The following FRMD4A variants were observed in gnomAD, a reference collection of about 807,000 sequenced individuals.
FRMD4A encodes FERM domain-containing protein 4A.
FRMD4A carries 29 observed loss-of-function variants against 129.1 expected under a neutral mutation model. That is an observed-to-expected ratio of 0.22 (90% CI 0.17 to 0.31). The LOEUF is 0.31. Among genes scored for constraint, FRMD4A ranks in the 10% least tolerant of loss-of-function variants. The pLI, the probability that FRMD4A is intolerant of heterozygous loss-of-function variation, is 1.00. For missense variants in FRMD4A, 1,272 were observed against 1,375.8 expected (o/e 0.92, Z 1.19); for synonymous variants, 634 against 571.6 (o/e 1.11, Z -1.56).
chr10:13,807,800 C>CT (rs11388392), intron 4 of FRMD4A, among the ~76,000 whole-genome samples: 77,262 of 142,072 alleles, frequency 0.54, 20,911 homozygotes, highest in East Asian at 0.64. Flanking sequence ...TTTAGAAATT[C>CT]TTTTTTTTTT....
chr10:14,108,997 A>G (rs1391427818), intron 2 of FRMD4A, among the ~76,000 whole-genome samples: 1 of 152,030 alleles, frequency 6.6e-6, no homozygotes, highest in Non-Finnish European at 1.5e-5. Context: ...CCATTTTTGT[A>G]CTTTCTTGAT....
At chr10:14,148,408 GA>G (rs1008195510) in intron 2 of FRMD4A, among the ~76,000 whole-genome samples, 2 of 152,218 alleles carry the variant, frequency 1.3e-5, no homozygotes, top group Non-Finnish European at 2.9e-5. Flanking sequence ...TGAATGAACA[GA>G]GAAGACATTC....
chr10:13,796,699 T>C (rs956034460), intron 4 of FRMD4A, 111 bp from the exon 5 acceptor site: 8 of 630,432 alleles, frequency 1.3e-5, no homozygotes, highest in African/African-American at 3.7e-5. Context: ...AATTTGAACC[T>C]TCACCTTATT....
intron 12 of FRMD4A, among the ~76,000 whole-genome samples, chr10:13,716,316 C>T (rs772207438): frequency 1.3e-5 from 2 of 152,150 alleles, no homozygotes; most frequent in East Asian, 3.9e-4. Flanking sequence ...AAAAAAGTAT[C>T]CCATTGTAAG....
rs1340217384 is a variant in FRMD4A at position 13,645,566 on chromosome 10, T to C, written c.*1472A>G. ...ACGTGCAGCTCCCACACATTAATTT[T>C]TTTCTTCTTTCCTCCTCTTTTGGTA... On this transcript the variant is annotated 3_prime_UTR_variant, in exon 25 of 25. Coordinates refer to ENST00000357447, the MANE Select transcript of FRMD4A (RefSeq NM_018027.5). 9 of 152,648 alleles carry C rather than the reference T, an allele frequency of 5.9e-5. No homozygotes were observed. The highest frequency in any genetic ancestry group is 1.2e-4 in the Non-Finnish European group (8 of 68,046). 9.5% of individuals were successfully genotyped at this position (152,648 alleles called of 1,614,324 possible).
At chr10:14,269,711 C>T (rs1845096844) in intron 2 of FRMD4A, among the ~76,000 whole-genome samples, 1 of 152,182 alleles carries the variant, frequency 6.6e-6, no homozygotes. Context: ...AGCTTAATCC[C>T]TTTTGTGAGG....
chr10:13,853,115 C>A (rs920057539), intron 3 of FRMD4A, among the ~76,000 whole-genome samples: 1 of 152,118 alleles, frequency 6.6e-6, no homozygotes, highest in African/African-American at 2.4e-5. Context: ...AATCCTAGGG[C>A]AGCTTGGAAC....
At chr10:13,738,530 C>G (rs989027780) in intron 11 of FRMD4A, among the ~76,000 whole-genome samples, 1 of 152,200 alleles carries the variant, frequency 6.6e-6, no homozygotes, top group Non-Finnish European at 1.5e-5. Context: ...AGCTGGGTGC[C>G]AGGCAGGGTT....
At chr10:13,914,541 A>G (rs2094978196) in intron 2 of FRMD4A, among the ~76,000 whole-genome samples, 1 of 152,204 alleles carries the variant, frequency 6.6e-6, no homozygotes, top group South Asian at 2.1e-4. Flanking sequence ...AAATACTTTT[A>G]TTATCCCTTG....
At chr10:13,687,209 C>G (rs72767599) in intron 15 of FRMD4A, among the ~76,000 whole-genome samples, 24,811 of 152,108 alleles carry the variant, frequency 0.16, 2,720 homozygotes, top group Non-Finnish European at 0.24. Context: ...GCAGGAGAAT[C>G]GCAGATAACC....
intron 2 of FRMD4A, among the ~76,000 whole-genome samples, chr10:13,959,731 G>C (rs944528595): frequency 6.6e-6 from 1 of 152,102 alleles, no homozygotes; most frequent in African/African-American, 2.4e-5. Context: ...TTTCTACCCG[G>C]GAGCACTGTG....
intron 2 of FRMD4A, among the ~76,000 whole-genome samples, chr10:13,930,736 A>C (rs1250571205): frequency 6.6e-6 from 1 of 152,230 alleles, no homozygotes; most frequent in Non-Finnish European, 1.5e-5. Flanking sequence ...TTAAGAATAA[A>C]AAGGCAAAAG....
At chr10:14,040,058 C>T (rs564171322) in intron 2 of FRMD4A, among the ~76,000 whole-genome samples, 1 of 152,094 alleles carries the variant, frequency 6.6e-6, no homozygotes, top group South Asian at 2.1e-4. Context: ...TCACAACAGC[C>T]CATATGGTGC....
chr10:14,021,394 A>AT (rs988694807), intron 2 of FRMD4A, among the ~76,000 whole-genome samples: 5 of 150,892 alleles, frequency 3.3e-5, no homozygotes, highest in Non-Finnish European at 5.9e-5. Flanking sequence ...TAAAAAAAAA[A>AT]AATAATAAAA....
intron 5 of FRMD4A, among the ~76,000 whole-genome samples, chr10:13,785,827 T>A (rs918202145): frequency 6.7e-6 from 1 of 149,810 alleles, no homozygotes; most frequent in Non-Finnish European, 1.5e-5. Flanking sequence ...TGTGTCCAAG[T>A]GTTCTCAGTG....
chr10:14,289,905 A>T (rs948817820), intron 2 of FRMD4A, among the ~76,000 whole-genome samples: 10 of 152,108 alleles, frequency 6.6e-5, no homozygotes, highest in Admixed American at 3.3e-4. Context: ...AAATAAATGC[A>T]TAAAGTTGCA....
At chr10:13,901,497 C>A (rs2094818415) in intron 2 of FRMD4A, among the ~76,000 whole-genome samples, 1 of 151,730 alleles carries the variant, frequency 6.6e-6, no homozygotes, top group Non-Finnish European at 1.5e-5. Context: ...ATAATCCCAG[C>A]TACTCAGGAG....
chr10:13,777,287 G>A (rs551267146), intron 6 of FRMD4A, among the ~76,000 whole-genome samples: 9 of 152,330 alleles, frequency 5.9e-5, no homozygotes, highest in Admixed American at 3.3e-4. Context: ...GAAAGCCAGC[G>A]ATTCTCGCTC....
At chr10:13,707,418 A>C (rs1360068557) in intron 12 of FRMD4A, 1 of 1,075,500 alleles carries the variant, frequency 9.3e-7, no homozygotes, top group African/African-American at 1.6e-5. Flanking sequence ...GGCAGTCCCC[A>C]GCTTGGCAGA....
Sources: allele counts gnomAD v4.1 joint callset (sites outside exome capture counted in the v4.1 genomes callset), GRCh38; gene constraint gnomAD v4.1.1; transcripts MANE v1.5; gene names NCBI Gene and HGNC (gene_info 2026-07-23, HGNC 2026-07-21).